EYS: variants seen among roughly 807,000 people sequenced by gnomAD.
The protein encoded by EYS is protein eyes shut homolog.
In EYS, 250 loss-of-function variants were observed where a neutral mutation model predicts 282.1. That is an observed-to-expected ratio of 0.89 (90% CI 0.80 to 0.98). EYS has a LOEUF of 0.98. Ranked by LOEUF, EYS falls within the 50% of genes least tolerant of loss-of-function variation. The probability of loss-of-function intolerance (pLI) is 0.00; values close to 1 mark genes in which losing one functional copy is unlikely to be tolerated. For missense variants in EYS, 4,016 were observed against 3,709.0 expected (o/e 1.08, Z -2.15); for synonymous variants, 1,355 against 1,282.9 (o/e 1.06, Z -1.20).
At chr6:64,536,218 A>T (rs943956515) in intron 26 of EYS, among the ~76,000 whole-genome samples, 1 of 152,146 alleles carries the variant, frequency 6.6e-6, no homozygotes, top group Admixed American at 6.5e-5. Context: ...ATTCTGTATG[A>T]ATAAACTTCT....
chr6:63,942,649 T>C (rs1198107266), intron 35 of EYS, among the ~76,000 whole-genome samples: 1 of 152,148 alleles, frequency 6.6e-6, no homozygotes, highest in Non-Finnish European at 1.5e-5. Flanking sequence ...TTCCATGATA[T>C]GGACATTGAA....
chr6:63,826,219 G>A (rs768511421), intron 36 of EYS, among the ~76,000 whole-genome samples: 4 of 152,100 alleles, frequency 2.6e-5, no homozygotes, highest in Non-Finnish European at 4.4e-5. Flanking sequence ...TATGAACAAA[G>A]CCTCCAAGAA....
rs191724844 is a variant in EYS at position 64,787,682 on chromosome 6, A to G, written c.3443+25696T>C. Among the ~76,000 whole-genome samples, 450 of 149,924 alleles carry G rather than the reference A, an allele frequency of 3.0e-3. 1 individual carries two copies. The highest frequency in any genetic ancestry group is 9.9e-3 in the African/African-American group (408 of 41,178). ...TATTAAGAATCAGATGTAAACTAAT[A>G]ATATGTCTATATATTATTTATAGAT... is the stretch of plus-strand genomic sequence containing the variant. On this transcript the variant is annotated intron_variant, in intron 22 of 42. Transcript: ENST00000503581.
intron 12 of EYS, among the ~76,000 whole-genome samples, chr6:65,148,606 G>C (rs1042845913): frequency 3.3e-5 from 5 of 151,992 alleles, no homozygotes; most frequent in Non-Finnish European, 7.4e-5. Context: ...CTACTGTTCT[G>C]GGGGCTGGAG....
chr6:64,303,856 A>AC (rs1353815371), intron 30 of EYS, among the ~76,000 whole-genome samples: 1 of 151,664 alleles, frequency 6.6e-6, no homozygotes, highest in Non-Finnish European at 1.5e-5. Context: ...AAAAAAAAAA[A>AC]AAAAAGCCTC....
At chr6:64,213,050 A>T (rs113050616) in intron 31 of EYS, among the ~76,000 whole-genome samples, 149 of 152,188 alleles carry the variant, frequency 9.8e-4, no homozygotes, top group African/African-American at 3.0e-3. Flanking sequence ...ATAAGTGGGG[A>T]TACATAGAGG....
chr6:65,592,612 A>G (rs957257329), intron 2 of EYS, among the ~76,000 whole-genome samples: 1 of 152,000 alleles, frequency 6.6e-6, no homozygotes, highest in Non-Finnish European at 1.5e-5. Context: ...ATTCTCATTT[A>G]GACATGAGGA....
In EYS at chr6:64,249,063, C is replaced by CAAA. The variant is rs34663169; in HGVS notation, c.6192-18242_6192-18240dup. Among the ~76,000 whole-genome samples, 173 of 69,736 alleles carry CAAA rather than the reference C, an allele frequency of 2.5e-3. 2 individuals carry two copies. The highest frequency in any genetic ancestry group is 7.6e-3 in the African/African-American group (108 of 14,172). The allele number at this position is 69,736 out of a possible 152,430, so 45.7% of individuals were successfully genotyped here. A position where few individuals can be genotyped will look rare whatever the true frequency, so the allele number is the denominator to read the frequency against. ...TGGGCTACAGAGTGACACCCTGTCT[C>CAAA]AAAAAAAAAAAAAAAAAAAAAAGAT... On this transcript the variant is annotated intron_variant, in intron 30 of 42. Coordinates refer to ENST00000503581, the MANE Select transcript of EYS (RefSeq NM_001142800.2).
chr6:64,034,833 A>G (rs968393573), intron 33 of EYS, among the ~76,000 whole-genome samples: 3 of 152,180 alleles, frequency 2.0e-5, no homozygotes, highest in African/African-American at 7.2e-5. Context: ...GCATTCTCTT[A>G]CAACTAAAGG....
chr6:64,192,173 GTTGT>G lies in EYS; in HGVS notation c.6424+38415_6424+38418del, dbSNP rs1388693189. Among the ~76,000 whole-genome samples, 4 of 147,168 alleles carry G rather than the reference GTTGT, an allele frequency of 2.7e-5. No homozygotes were observed. In the South Asian group the frequency reaches 8.8e-4, roughly 32 times the overall value. ...TGTCCTTCGCCCACTTTTTGATGGG[GTTGT>G]TTGTTTTTTTCTTGTAAATTTGTTT... is the stretch of plus-strand genomic sequence containing the variant. On this transcript the variant is annotated intron_variant, in intron 31 of 42. Coordinates refer to ENST00000503581, the MANE Select transcript of EYS (RefSeq NM_001142800.2).
chr6:64,693,071 A>C (rs1770452590), intron 22 of EYS, among the ~76,000 whole-genome samples: 1 of 134,610 alleles, frequency 7.4e-6, no homozygotes, highest in African/African-American at 2.7e-5. Flanking sequence ...TGATAGGAAT[A>C]TCTTTTTTAA....
intron 35 of EYS, among the ~76,000 whole-genome samples, chr6:63,922,861 T>C (rs550871149): frequency 2.0e-5 from 3 of 152,212 alleles, no homozygotes; most frequent in Non-Finnish European, 4.4e-5. Context: ...GCAGGGTATA[T>C]GTTAAAAGGC....
chr6:64,342,052 C>A (rs1053440714), intron 29 of EYS, among the ~76,000 whole-genome samples: 5 of 151,444 alleles, frequency 3.3e-5, no homozygotes, highest in African/African-American at 1.2e-4. Flanking sequence ...TTTCTTAAAA[C>A]AGATCTTTAG....
At chr6:65,197,026 T>G (rs1479534081) in intron 12 of EYS, among the ~76,000 whole-genome samples, 1 of 152,086 alleles carries the variant, frequency 6.6e-6, no homozygotes, top group Non-Finnish European at 1.5e-5. Context: ...TAATTCCATG[T>G]AAATTGCATT....
At chr6:64,920,593 C>A (rs1240505594) in intron 15 of EYS, among the ~76,000 whole-genome samples, 1 of 152,020 alleles carries the variant, frequency 6.6e-6, no homozygotes, top group Non-Finnish European at 1.5e-5. Context: ...ATAGTTGCAT[C>A]TTTTTCAATG....
At chr6:65,539,627 T>C (rs137869261) in intron 2 of EYS, among the ~76,000 whole-genome samples, 374 of 152,318 alleles carry the variant, frequency 2.5e-3, no homozygotes, top group African/African-American at 8.8e-3. Flanking sequence ...CAAATATGTG[T>C]TGTATTTCTA....
intron 30 of EYS, among the ~76,000 whole-genome samples, chr6:64,293,547 C>T (rs1285401414): frequency 6.6e-6 from 1 of 151,830 alleles, no homozygotes; most frequent in Non-Finnish European, 1.5e-5. Flanking sequence ...AACATTTAGT[C>T]CTGAGTCATT....
Position 65,010,363 on chromosome 6 carries a change from G to C in EYS, c.2138-12660C>G, listed in dbSNP as rs536601162. Among the ~76,000 whole-genome samples the C allele has an allele frequency of 3.3e-5, 5 of 152,356 alleles. No homozygotes were observed. In the South Asian group the frequency reaches 6.2e-4, roughly 19 times the overall value. On this transcript the variant is annotated intron_variant, in intron 13 of 42. Coordinates refer to ENST00000503581, the MANE Select transcript of EYS (RefSeq NM_001142800.2). ...TAACTGCTAAAGGAGACTTGTGGCT[G>C]TCAGACAACCATTTACTTAAATATC... is the stretch of plus-strand genomic sequence containing the variant.
chr6:64,253,558 T>A lies in EYS; in HGVS notation c.6192-22734A>T, dbSNP rs566303780. On this transcript the variant is annotated intron_variant, in intron 30 of 42. Transcript: ENST00000503581. ...TTCCTGGTCTTAAGAGTTTCTTTGC[T>A]GTGTCCAGAGACCATGGCAAGCACC... Among the ~76,000 whole-genome samples the A allele has an allele frequency of 1.1e-4, 16 of 152,314 alleles. No individual in the cohort carries two copies. In the East Asian group the frequency reaches 3.1e-3, roughly 29 times the overall value.
Sources: gnomAD v4.1 joint callset for allele counts (sites outside exome capture counted in the v4.1 genomes callset) on GRCh38, gnomAD v4.1.1 for gene constraint, MANE v1.5 for transcripts, NCBI Gene and HGNC (gene_info 2026-07-23, HGNC 2026-07-21) for gene names.